Variants in LRIG2 observed in about 807,000 individuals in gnomAD.
LRIG2 encodes the protein leucine rich repeats and immunoglobulin like domains 2.
LRIG2 carries 93 observed loss-of-function variants against 107.8 expected under a neutral mutation model. The observed-to-expected ratio is 0.86, with a 90% CI of 0.73 to 1.03. The LOEUF (loss-of-function observed/expected upper bound fraction) is 1.03, where lower values mean the gene tolerates loss of function less well. LRIG2 is among the 50% of genes least tolerant of loss of function. The pLI is 0.00. For missense variants in LRIG2, 1,226 were observed against 1,296.0 expected, an observed-to-expected ratio of 0.95 and a Z score of 0.83; for synonymous variants, 471 against 470.6, an observed-to-expected ratio of 1.00 and a Z score of -0.01.
intron 14 of LRIG2, 42 bp downstream of exon 14, chr1:113,112,802 T>C: frequency 6.5e-7 from 1 of 1,543,572 alleles, no homozygotes; most frequent in South Asian, 1.2e-5. Flanking sequence ...TGTTGGAGTC[T>C]TTGGGAGCTA....
intron 1 of LRIG2, among the ~76,000 whole-genome samples, chr1:113,080,201 A>G (rs929965497): frequency 3.1e-4 from 46 of 148,370 alleles, no homozygotes; most frequent in African/African-American, 1.1e-3. Flanking sequence ...TTGTATTTTT[A>G]GTAGAGACGG....
intron 1 of LRIG2, among the ~76,000 whole-genome samples, chr1:113,080,737 A>C (rs778746737): frequency 6.6e-6 from 1 of 151,840 alleles, no homozygotes. Flanking sequence ...CTCATTATCC[A>C]TAGTAAATGT....
intron 1 of LRIG2, among the ~76,000 whole-genome samples, chr1:113,077,050 G>A (rs189921305): frequency 6.6e-6 from 1 of 152,098 alleles, no homozygotes; most frequent in African/African-American, 2.4e-5. Flanking sequence ...GTATTTTTAG[G>A]GTTAAGGACG....
chr1:113,115,637 C>T lies in LRIG2; in HGVS notation c.2531-650C>T, dbSNP rs533933662. On this transcript the variant is annotated intron_variant, in intron 15 of 17. Coordinates refer to ENST00000361127, the MANE Select transcript of LRIG2 (RefSeq NM_014813.3). ...CCACTTCCCGGGTTCAAGCGATTCT[C>T]CTGACTCAGCCTCCCGAGTAGCTGG... Among the ~76,000 whole-genome samples, 16 of 152,014 alleles carry T rather than the reference C, an allele frequency of 1.1e-4. No individual in the cohort carries two copies. The South Asian group carries it at 2.9e-3, about 28-fold the overall frequency.
chr1:113,106,526 A>G (rs1042788898), intron 11 of LRIG2, among the ~76,000 whole-genome samples: 5 of 151,960 alleles, frequency 3.3e-5, no homozygotes, highest in African/African-American at 4.8e-5. Context: ...TGTTTTTGGG[A>G]GACAGTCTCA....
chr1:113,079,103 C>T (rs975134386), intron 1 of LRIG2, among the ~76,000 whole-genome samples: 2 of 151,266 alleles, frequency 1.3e-5, no homozygotes, highest in African/African-American at 4.9e-5. Flanking sequence ...CCAGCACTTT[C>T]GGAAGCTGAG....
At position 113,131,673 on chromosome 1, in the gene LRIG2, T is replaced by C. The variant is rs946948431; in HGVS notation, c.*7572T>C. The C allele has an allele frequency of 1.3e-5, 2 of 152,198 alleles. No homozygotes were observed. The highest frequency in any genetic ancestry group is 4.8e-5 in the African/African-American group (2 of 41,442). 9.4% of individuals were successfully genotyped at this position (152,198 alleles called of 1,614,324 possible). On this transcript the variant is annotated 3_prime_UTR_variant, in exon 18 of 18. Coordinates refer to ENST00000361127, the MANE Select transcript of LRIG2 (RefSeq NM_014813.3). ...CAGTTAGCCTTGATTTTCTTTCTTT[T>C]TTGGACAATTGTCTGGTTCATTGAC...
intron 1 of LRIG2, among the ~76,000 whole-genome samples, chr1:113,081,709 T>G (rs966803500): frequency 6.6e-6 from 1 of 151,882 alleles, no homozygotes; most frequent in African/African-American, 2.4e-5. Context: ...TTAGTAGAGA[T>G]GGGGTTTTAC....
intron 12 of LRIG2, among the ~76,000 whole-genome samples, chr1:113,108,734 G>A (rs1340890603): frequency 1.3e-4 from 19 of 151,968 alleles, no homozygotes; most frequent in Non-Finnish European, 5.9e-5. Flanking sequence ...AAAATTAGCT[G>A]GGCGTGGTGG....
Position 113,100,447 on chromosome 1 carries a change from T to C in LRIG2, c.1272T>C (p.Ser424=). The C allele has an allele frequency of 6.5e-7, 1 of 1,541,374 alleles. No homozygotes were observed. The highest frequency in any genetic ancestry group is 8.9e-7 in the Non-Finnish European group (1 of 1,118,518). Residue 424 remains serine, a synonymous_variant, in exon 11 of 18, where the codon TCT becomes TCC. Transcript: ENST00000361127. ...ATTTGAACAATAATGCTATAATGTC[T>C]ATCCAAGAAAATGCTTTTTCTCAGA... ...HLDLNNNAIM[S]IQENAFSQTH...
At position 113,095,968 on chromosome 1, in the gene LRIG2, G is replaced by C; in HGVS notation, c.898G>C (p.Glu300Gln). 6.2e-7 allele frequency: 1 copy of C among 1,614,164 alleles called. No individual in the cohort carries two copies. The highest frequency in any genetic ancestry group is 8.5e-7 in the Non-Finnish European group (1 of 1,180,028). The change falls in exon 7 of 18, where the codon GAA becomes CAA. Residue 300 changes from glutamate to glutamine, a missense_variant. Physicochemically the swap from Glu to Gln is conservative, Grantham distance 29. This residue lies in a region of LRIG2 where 570 missense variants were observed against 550.2 expected (regional missense o/e 1.04). Coordinates refer to ENST00000361127, the MANE Select transcript of LRIG2 (RefSeq NM_014813.3). ...GCTCTATGTGAGCCAGAATGCTATT[G>C]AAAGAATCAGCCCTGATGCATGGGA... ...QQLYVSQNAIERISPDAWEFC... is the reference protein window; with the variant it reads ...QQLYVSQNAIQRISPDAWEFC...
At chr1:113,101,356 C>A (rs1040118262) in intron 11 of LRIG2, among the ~76,000 whole-genome samples, 1 of 152,088 alleles carries the variant, frequency 6.6e-6, no homozygotes, top group Non-Finnish European at 1.5e-5. Context: ...GCGTGAGCCA[C>A]CGGTCCCGCC....
At chr1:113,074,300 C>A (rs1652856409) in intron 1 of LRIG2, among the ~76,000 whole-genome samples, 1 of 152,160 alleles carries the variant, frequency 6.6e-6, no homozygotes, top group Admixed American at 6.5e-5. Flanking sequence ...CCATTTGATG[C>A]TTTGTTTTCA....
Position 113,096,033 on chromosome 1 carries a change from C to T in LRIG2, c.947+16C>T. ...TATCCGAACTGTAAGTGTTGGATAG[C>T]ATTTCACTGGAGGCAGTTAAGACTA... On this transcript the variant is annotated intron_variant, in intron 7 of 17. Transcript: ENST00000361127. The T allele has an allele frequency of 6.2e-7, 1 of 1,613,906 alleles. No homozygotes were observed. Among genetic ancestry groups the T allele is most frequent in the Non-Finnish European group, 8.5e-7 (1 of 1,179,818 alleles).
rs778640201 is a variant in LRIG2, at chr1:113,112,645, C to T, written c.1965C>T (p.Pro655=). 3.2e-5 allele frequency: 52 copies of T among 1,613,920 alleles called. No individual in the cohort carries two copies. The highest frequency in any genetic ancestry group is 6.7e-5 in the East Asian group (3 of 44,882). ...AARERRMHVM[P]EDDVFFIANV... ...GAGAAAGACGCATGCACGTCATGCC[C>T]GAGGATGACGTCTTCTTTATTGCCA... The change falls in exon 14 of 18, where the codon CCC becomes CCT. Residue 655 remains proline, a synonymous_variant. Transcript: ENST00000361127.
At position 113,125,466 on chromosome 1, in the gene LRIG2, C is replaced by T. The variant is rs1655451923; in HGVS notation, c.*1365C>T. 6.6e-6 allele frequency: 1 copy of T among 152,196 alleles called. No homozygotes were observed. Among genetic ancestry groups the T allele is most frequent in the Non-Finnish European group, 1.5e-5 (1 of 68,026 alleles). 9.4% of individuals were successfully genotyped at this position (152,196 alleles called of 1,614,324 possible). ...TCATTTCCTCCCCCTCTCCCTCCTT[C>T]CCTCTTTTTTTTTACTGAAACAGAA... On this transcript the variant is annotated 3_prime_UTR_variant, in exon 18 of 18. Coordinates refer to ENST00000361127, the MANE Select transcript of LRIG2 (RefSeq NM_014813.3).
At chr1:113,104,196 A>G (rs1313537421) in intron 11 of LRIG2, among the ~76,000 whole-genome samples, 2 of 151,912 alleles carry the variant, frequency 1.3e-5, no homozygotes, top group East Asian at 3.9e-4. Context: ...ACCACCTTTA[A>G]TGTTCCTTCC....
At chr1:113,114,937 T>A in intron 15 of LRIG2, 61 bp downstream of exon 15, 1 of 1,341,396 alleles carries the variant, frequency 7.5e-7, no homozygotes, top group Non-Finnish European at 1.0e-6. Context: ...AGTATAGGAT[T>A]AATTGTACAA....
chr1:113,094,526 T>C (rs1653963952), intron 5 of LRIG2, 44 bp downstream of exon 5: 1 of 1,578,352 alleles, frequency 6.3e-7, no homozygotes, highest in Middle Eastern at 1.7e-4. Context: ...AGTTTTTTCT[T>C]ACAGGGTCTT....
Sources: allele counts gnomAD v4.1 joint callset (sites outside exome capture counted in the v4.1 genomes callset), GRCh38; gene constraint gnomAD v4.1.1; regional missense constraint gnomAD v4.1.1; transcripts MANE v1.5; gene names NCBI Gene and HGNC (gene_info 2026-07-23, HGNC 2026-07-21).